LRIG1: variants seen among roughly 807,000 people sequenced by gnomAD.
The protein encoded by LRIG1 is leucine rich repeats and immunoglobulin like domains 1.
A neutral mutation model predicts 99.2 loss-of-function variants in LRIG1; 48 were observed. That is an observed-to-expected ratio of 0.48 (90% CI 0.38 to 0.62). The LOEUF (loss-of-function observed/expected upper bound fraction) is 0.62, where lower values mean the gene tolerates loss of function less well. Among genes scored for constraint, LRIG1 ranks in the 20% least tolerant of loss-of-function variants. The probability of loss-of-function intolerance (pLI) is 0.00; values close to 1 mark genes in which losing one functional copy is unlikely to be tolerated. For missense variants in LRIG1, 1,646 were observed against 1,434.4 expected (o/e 1.15, Z -2.38); for synonymous variants, 772 against 596.1 (o/e 1.29, Z -4.30).
chr3:66,416,378 C>T (rs1367249984), intron 4 of LRIG1, among the ~76,000 whole-genome samples: 5 of 152,188 alleles, frequency 3.3e-5, no homozygotes, highest in African/African-American at 1.2e-4. Flanking sequence ...CTAAACCAGC[C>T]TTGCGAATGC....
chr3:66,478,653 A>G (rs1220378823), intron 1 of LRIG1, among the ~76,000 whole-genome samples: 1 of 152,114 alleles, frequency 6.6e-6, no homozygotes, highest in Non-Finnish European at 1.5e-5. Context: ...CCATGTCATT[A>G]TTATCTCACT....
chr3:66,400,342 C>T (rs981391738), intron 9 of LRIG1, among the ~76,000 whole-genome samples: 2 of 152,316 alleles, frequency 1.3e-5, no homozygotes, highest in Non-Finnish European at 2.9e-5. Context: ...TGAGAACCCA[C>T]CAAAGGCATT....
intron 3 of LRIG1, among the ~76,000 whole-genome samples, chr3:66,443,300 G>C (rs1464714197): frequency 8.2e-6 from 1 of 121,460 alleles, no homozygotes; most frequent in Non-Finnish European, 1.8e-5. Flanking sequence ...GGGAAGGGAG[G>C]GTATGTGTTG....
intron 1 of LRIG1, among the ~76,000 whole-genome samples, chr3:66,480,159 A>G (rs746651064): frequency 2.2e-4 from 34 of 152,336 alleles, no homozygotes; most frequent in Non-Finnish European, 3.7e-4. Context: ...GATACCTGCC[A>G]TAATATGGAC....
chr3:66,382,357 A>G lies in LRIG1; in HGVS notation c.2533T>C (p.Ser845Pro), dbSNP rs183913473. 1.9e-5 allele frequency: 31 copies of G among 1,614,166 alleles called. No homozygotes were observed. Among genetic ancestry groups the G allele is most frequent in the Middle Eastern group, 3.3e-4 (2 of 6,062 alleles). ...VPPDVPSYLS[S>P]QGTLSDRQET... ...TGTCGGTCAGAAAGGGTCCCCTGAG[A>G]AGAGAGGTAGCTTGGAACATCTGGT... Residue 845 changes from serine to proline, a missense_variant, in exon 16 of 19, where the codon TCT (serine) becomes CCT (proline). By Grantham distance (74) the Ser-to-Pro change is moderately conservative. Transcript: ENST00000273261.
chr3:66,437,841 G>A (rs1011669890), intron 3 of LRIG1, among the ~76,000 whole-genome samples: 4 of 152,086 alleles, frequency 2.6e-5, no homozygotes, highest in Non-Finnish European at 2.9e-5. Context: ...GAAGAGGGGC[G>A]GCTATTCCAG....
intron 2 of LRIG1, among the ~76,000 whole-genome samples, chr3:66,454,748 A>T (rs921640034): frequency 5.3e-5 from 8 of 152,150 alleles, no homozygotes. Context: ...TCCTTTCCCA[A>T]TTCAATCCGT....
intron 15 of LRIG1, among the ~76,000 whole-genome samples, chr3:66,382,678 G>C (rs748147083): frequency 2.0e-5 from 3 of 152,212 alleles, no homozygotes; most frequent in Non-Finnish European, 4.4e-5. Flanking sequence ...CACTGTTTCA[G>C]GAACAACCTA....
chr3:66,401,412 T>C (rs1387751758), intron 9 of LRIG1, among the ~76,000 whole-genome samples: 5 of 152,232 alleles, frequency 3.3e-5, no homozygotes, highest in African/African-American at 7.2e-5. Flanking sequence ...TTGAACTGTT[T>C]AGTGAAATCT....
At chr3:66,388,651 G>A (rs1027658473) in intron 12 of LRIG1, among the ~76,000 whole-genome samples, 2 of 151,876 alleles carry the variant, frequency 1.3e-5, no homozygotes, top group Admixed American at 6.6e-5. Flanking sequence ...TATTATTAAC[G>A]GCTGATTTCT....
chr3:66,415,666 C>G (rs960363483), intron 4 of LRIG1, among the ~76,000 whole-genome samples: 1 of 152,176 alleles, frequency 6.6e-6, no homozygotes, highest in Non-Finnish European at 1.5e-5. Flanking sequence ...CCTACACTTA[C>G]AGCGTGATTA....
In LRIG1 at chr3:66,382,884, G is replaced by C. The variant is rs998294585; in HGVS notation, c.2491+98C>G. The C allele has an allele frequency of 7.2e-6, 8 of 1,110,994 alleles. No homozygotes were observed. In the Admixed American group the frequency reaches 1.2e-4, roughly 17 times the overall value. The allele number at this position is 1,110,994 out of a possible 1,614,324, so 68.8% of individuals were successfully genotyped here. On this transcript the variant is annotated intron_variant, in intron 15 of 18. Transcript: ENST00000273261. ...TAAACCCTCAGGAGTTCTGAACACA[G>C]TGCAATTCTTTCAAAAGCCACTGGA...
intron 1 of LRIG1, among the ~76,000 whole-genome samples, chr3:66,494,643 T>C (rs1380398638): frequency 6.6e-6 from 1 of 152,188 alleles, no homozygotes; most frequent in Non-Finnish European, 1.5e-5. Context: ...AAACCATTGA[T>C]AACAAATTAT....
intron 3 of LRIG1, among the ~76,000 whole-genome samples, chr3:66,437,246 A>T (rs1443732997): frequency 1.3e-5 from 2 of 152,182 alleles, no homozygotes; most frequent in Non-Finnish European, 2.9e-5. Context: ...GCGAGCAGAG[A>T]CTGGGAGAGC....
chr3:66,458,057 CTG>C (rs1700270268), intron 2 of LRIG1, among the ~76,000 whole-genome samples: 1 of 152,248 alleles, frequency 6.6e-6, no homozygotes, highest in South Asian at 2.1e-4. Context: ...CCATGTGACA[CTG>C]TGCAAGTTTA....
chr3:66,417,014 C>A, intron 4 of LRIG1, 115 bp downstream of exon 4: 1 of 1,399,534 alleles, frequency 7.1e-7, no homozygotes, highest in Non-Finnish European at 9.9e-7. Flanking sequence ...TCGGCCCAGC[C>A]GTGGTTGAGA....
chr3:66,405,744 C>G (rs1702245864), intron 8 of LRIG1: 1 of 1,136,874 alleles, frequency 8.8e-7, no homozygotes, highest in Admixed American at 4.0e-5. Flanking sequence ...CCCGTGGGCG[C>G]CTCCGTACCA....
intron 7 of LRIG1, among the ~76,000 whole-genome samples, chr3:66,407,961 C>T (rs1283973812): frequency 1.3e-5 from 2 of 152,252 alleles, no homozygotes; most frequent in Admixed American, 6.5e-5. Flanking sequence ...CTAGCCCCTG[C>T]GTGGGACAAC....
At chr3:66,419,010 G>C (rs975455645) in intron 3 of LRIG1, among the ~76,000 whole-genome samples, 1 of 151,968 alleles carries the variant, frequency 6.6e-6, no homozygotes, top group African/African-American at 2.4e-5. Flanking sequence ...AAGGAAAAAA[G>C]AAAAGAAAAC....
Sources: gnomAD v4.1 joint callset for allele counts (sites outside exome capture counted in the v4.1 genomes callset) on GRCh38, gnomAD v4.1.1 for gene constraint, MANE v1.5 for transcripts, NCBI Gene and HGNC (gene_info 2026-07-23, HGNC 2026-07-21) for gene names.